LARGE1: variants seen among roughly 807,000 people sequenced by gnomAD.
LARGE1 encodes LARGE xylosyl- and glucuronyltransferase 1, also known as xylosyl- and glucuronyltransferase LARGE1.
In LARGE1, 43 loss-of-function variants were observed where a neutral mutation model predicts 87.6. The observed-to-expected ratio is 0.49, with a 90% confidence interval of 0.38 to 0.63. The LOEUF is 0.63. LARGE1 is among the 30% of genes least tolerant of loss of function. LARGE1 has a pLI of 0.00. For synonymous variants in LARGE1, 434 were observed against 394.6 expected (o/e 1.10, Z -1.18); for missense variants, 802 against 1,000.2 (o/e 0.80, Z 2.67).
chr22:33,608,352 G>A (rs1356546172), intron 4 of LARGE1, among the ~76,000 whole-genome samples: 1 of 152,062 alleles, frequency 6.6e-6, no homozygotes, highest in African/African-American at 2.4e-5. Flanking sequence ...GCCCTTCCCT[G>A]CTTGGAAGCC....
At chr22:33,712,222 A>G (rs2082752264) in intron 2 of LARGE1, among the ~76,000 whole-genome samples, 1 of 152,160 alleles carries the variant, frequency 6.6e-6, no homozygotes, top group Non-Finnish European at 1.5e-5. Context: ...ATGGGGGAAA[A>G]AAAAAGGGCA....
chr22:33,113,613 G>A, the LARGE1 span, among the ~76,000 whole-genome samples: 1 of 152,220 alleles, frequency 6.6e-6, no homozygotes, highest in Non-Finnish European at 1.5e-5. Context: ...GAGTTGCACA[G>A]CTTGTTCTAT....
intron 1 of LARGE1, among the ~76,000 whole-genome samples, chr22:33,806,869 G>A (rs993172744): frequency 1.3e-5 from 2 of 152,162 alleles, no homozygotes; most frequent in African/African-American, 4.8e-5. Flanking sequence ...AATTAGCTGG[G>A]CATGGTGTCA....
chr22:33,242,909 A>T (rs1268529818), intron 11 of LARGE1, among the ~76,000 whole-genome samples: 1 of 152,188 alleles, frequency 6.6e-6, no homozygotes, highest in Non-Finnish European at 1.5e-5. Flanking sequence ...TTTGCCTAGT[A>T]CAAGCATCAC....
At chr22:33,881,217 G>C (rs2064673575) in intron 1 of LARGE1, among the ~76,000 whole-genome samples, 1 of 152,146 alleles carries the variant, frequency 6.6e-6, no homozygotes, top group Non-Finnish European at 1.5e-5. Context: ...GGCCGAAAAA[G>C]AAGCTCTGCA....
At chr22:33,379,276 T>TTTTA (rs1333068024) in intron 9 of LARGE1, among the ~76,000 whole-genome samples, 4 of 150,080 alleles carry the variant, frequency 2.7e-5, no homozygotes, top group Middle Eastern at 3.4e-3. Flanking sequence ...TTTTTTTTTT[T>TTTTA]ATTATACTTT....
chr22:33,603,851 CA>C (rs902626830), intron 5 of LARGE1, among the ~76,000 whole-genome samples: 2 of 152,104 alleles, frequency 1.3e-5, no homozygotes, highest in Non-Finnish European at 2.9e-5. Flanking sequence ...AAGAGATGAC[CA>C]AAAAGGTTTC....
intron 4 of LARGE1, among the ~76,000 whole-genome samples, chr22:33,617,219 A>C (rs993876676): frequency 3.3e-5 from 5 of 152,148 alleles, no homozygotes; most frequent in Non-Finnish European, 7.3e-5. Flanking sequence ...AACATCCTAT[A>C]CTCAAGACTA....
chr22:33,751,075 T>C (rs112306518), intron 2 of LARGE1, among the ~76,000 whole-genome samples: 1 of 152,254 alleles, frequency 6.6e-6, no homozygotes, highest in East Asian at 1.9e-4. Flanking sequence ...AAGATTTGCA[T>C]AGTTTTTTGA....
intron 1 of LARGE1, among the ~76,000 whole-genome samples, chr22:33,882,034 T>C (rs2064702032): frequency 7.3e-6 from 1 of 136,760 alleles, no homozygotes; most frequent in African/African-American, 3.5e-5. Flanking sequence ...TTTTTGTTTT[T>C]GTTTTTTTTT....
intron 6 of LARGE1, among the ~76,000 whole-genome samples, chr22:33,552,333 C>T (rs541403983): frequency 1.3e-5 from 2 of 152,298 alleles, no homozygotes; most frequent in Non-Finnish European, 2.9e-5. Context: ...TTGACCTCCC[C>T]TCTCTCCTTG....
At chr22:33,299,282 G>A (rs1933817434) in intron 12 of LARGE1, among the ~76,000 whole-genome samples, 1 of 150,544 alleles carries the variant, frequency 6.6e-6, no homozygotes. Context: ...GAAAGAGAGA[G>A]AGAAAGAAAG....
intron 7 of LARGE1, among the ~76,000 whole-genome samples, chr22:33,413,717 G>C (rs1040182020): frequency 6.6e-6 from 1 of 151,750 alleles, no homozygotes; most frequent in Non-Finnish European, 1.5e-5. Context: ...TGCCCGCCTC[G>C]GCCTCCCAAA....
intron 1 of LARGE1, among the ~76,000 whole-genome samples, chr22:33,780,433 CCT>C (rs10602217): frequency 0.16 from 23,623 of 152,132 alleles, 1,901 homozygotes; most frequent in Middle Eastern, 0.26. Context: ...CCCAGCAGCC[CCT>C]GTCGAAGAGC....
intron 4 of LARGE1, among the ~76,000 whole-genome samples, chr22:33,613,188 T>G (rs1360102414): frequency 6.6e-6 from 1 of 152,192 alleles, no homozygotes; most frequent in Non-Finnish European, 1.5e-5. Flanking sequence ...GCAGCTTGTG[T>G]CTGACTCCTA....
At chr22:33,550,091 CA>C (rs2077478814) in intron 6 of LARGE1, among the ~76,000 whole-genome samples, 2 of 150,684 alleles carry the variant, frequency 1.3e-5, no homozygotes, top group Non-Finnish European at 2.9e-5. Context: ...CACATGTATA[CA>C]TATGTAACAA....
intron 14 of LARGE1, among the ~76,000 whole-genome samples, chr22:33,276,660 A>T (rs1249213256): frequency 6.6e-6 from 1 of 152,244 alleles, no homozygotes; most frequent in Admixed American, 6.5e-5. Flanking sequence ...CTTTTAGTAA[A>T]GGGTGGAATA....
intron 9 of LARGE1, among the ~76,000 whole-genome samples, chr22:33,380,689 C>T (rs982212656): frequency 1.3e-5 from 2 of 152,174 alleles, no homozygotes; most frequent in Non-Finnish European, 2.9e-5. Flanking sequence ...CACATGGGGA[C>T]ATGGATCAGA....
chr22:33,607,579 A>G (rs927394968), intron 4 of LARGE1, among the ~76,000 whole-genome samples: 2 of 152,034 alleles, frequency 1.3e-5, no homozygotes, highest in Non-Finnish European at 2.9e-5. Flanking sequence ...GAGGAGCAGA[A>G]GGCAACACTG....
Sources: allele counts gnomAD v4.1 joint callset (sites outside exome capture counted in the v4.1 genomes callset), GRCh38; gene constraint gnomAD v4.1.1; transcripts MANE v1.5; gene names NCBI Gene and HGNC (gene_info 2026-07-23, HGNC 2026-07-21).